UCMA: variants seen among roughly 807,000 people sequenced by gnomAD.
UCMA encodes upper zone of growth plate and cartilage matrix associated.
In UCMA, 21 loss-of-function variants were observed where a neutral mutation model predicts 21.8. That is an observed-to-expected ratio of 0.97 (90% CI 0.68 to 1.39). The LOEUF is 1.39. Among genes scored for constraint, UCMA ranks in the 40% most tolerant of loss-of-function variants. The pLI is 0.00. For synonymous variants in UCMA, 76 were observed against 67.9 expected (o/e 1.12, Z -0.58); for missense variants, 193 against 178.9 (o/e 1.08, Z -0.45).
intron 3 of UCMA, among the ~76,000 whole-genome samples, chr10:13,233,120 T>C (rs534609882): frequency 1.5e-3 from 236 of 152,270 alleles, no homozygotes; most frequent in African/African-American, 5.2e-3. Flanking sequence ...GTTGCTCTTA[T>C]ACAGAAGGTG....
intron 4 of UCMA, among the ~76,000 whole-genome samples, chr10:13,223,979 G>A (rs1053187891): frequency 6.6e-6 from 1 of 152,164 alleles, no homozygotes; most frequent in South Asian, 2.1e-4. Flanking sequence ...TTTGGAAATA[G>A]CAGTGACTGT....
At chr10:13,224,081 T>TG (rs1158804513) in intron 4 of UCMA, among the ~76,000 whole-genome samples, 1 of 152,138 alleles carries the variant, frequency 6.6e-6, no homozygotes, top group Non-Finnish European at 1.5e-5. Context: ...CCCAGCACTT[T>TG]GGGGGGCCAA....
At chr10:13,228,554 A>G (rs1198656365) in intron 4 of UCMA, among the ~76,000 whole-genome samples, 2 of 152,174 alleles carry the variant, frequency 1.3e-5, no homozygotes, top group East Asian at 3.8e-4. Context: ...TTCTGAGTTC[A>G]GCTTTCCTGG....
At chr10:13,230,058 A>C (rs924582816) in intron 3 of UCMA, among the ~76,000 whole-genome samples, 2 of 152,220 alleles carry the variant, frequency 1.3e-5, no homozygotes, top group Non-Finnish European at 2.9e-5. Context: ...GAATAATACA[A>C]CTTAATCTCA....
At chr10:13,223,164 T>C (rs1429592251) in intron 4 of UCMA, among the ~76,000 whole-genome samples, 3 of 149,098 alleles carry the variant, frequency 2.0e-5, no homozygotes, top group Non-Finnish European at 4.4e-5. Context: ...AGGTGGAGGA[T>C]GCAGTGAGCT....
chr10:13,227,733 G>A (rs60296017), intron 4 of UCMA, among the ~76,000 whole-genome samples: 171 of 53,068 alleles, frequency 3.2e-3, no homozygotes, highest in Middle Eastern at 0.013. Context: ...AAAAAAAAAA[G>A]GAAAGGAAAT....
rs1834869319 is a variant in UCMA at position 13,229,497 on chromosome 10, C to T, written c.319+114G>A. ...TTCCAGCCTGGGCAACAGAGCAAGA[C>T]TTCGTCTCAAAAAAAGAAAAAAAAA... On this transcript the variant is annotated intron_variant, in intron 4 of 4. Transcript: ENST00000378681. 4 of 908,840 alleles carry T rather than the reference C, an allele frequency of 4.4e-6. No individual in the cohort carries two copies. The African/African-American group carries it at 6.8e-5, about 16-fold the overall frequency. 56.3% of individuals were successfully genotyped at this position (908,840 alleles called of 1,614,324 possible). A position where few individuals can be genotyped will look rare whatever the true frequency, so the allele number is the denominator to read the frequency against.
intron 4 of UCMA, among the ~76,000 whole-genome samples, chr10:13,226,198 A>ATT (rs35217195): frequency 0.18 from 25,413 of 140,478 alleles, 2,471 homozygotes; most frequent in African/African-American, 0.26. Flanking sequence ...TTTGTTGTGG[A>ATT]TTTTTTTTTT....
intron 3 of UCMA, 90 bp from the exon 4 acceptor site, chr10:13,229,799 C>T: frequency 9.3e-7 from 1 of 1,072,968 alleles, no homozygotes; most frequent in African/African-American, 1.6e-5. Context: ...TCTGAGAAGT[C>T]ACCTGGTTGG....
intron 3 of UCMA, among the ~76,000 whole-genome samples, chr10:13,232,432 CT>C (rs1201327420): frequency 8.0e-5 from 12 of 150,540 alleles, no homozygotes; most frequent in Non-Finnish European, 1.3e-4. Context: ...AAAATCATGC[CT>C]GTTTCCCCTG....
Position 13,234,211 on chromosome 10 carries a change from C to A in UCMA, c.48G>T (p.Val16=), listed in dbSNP as rs768291782. ...AVLLSCFSAV[V]LLSMLREGTS... ...CCCTCCTGTACTCACTAGACAGGAG[C>A]ACCACGGCGGAGAAGCAAGACAGCA... is the stretch of plus-strand genomic sequence containing the variant. The change falls in exon 1 of 5, where the codon GTG becomes GTT. Residue 16 remains valine (V), a synonymous_variant. Transcript: ENST00000378681. 1 of 1,613,266 alleles carries A rather than the reference C, an allele frequency of 6.2e-7. No homozygotes were observed. Among genetic ancestry groups the A allele is most frequent in the Non-Finnish European group, 8.5e-7 (1 of 1,179,862 alleles).
chr10:13,233,756 C>A lies in UCMA; in HGVS notation c.103G>T (p.Ala35Ser). 1 of 1,614,040 alleles carries A rather than the reference C, an allele frequency of 6.2e-7. No homozygotes were observed. The highest frequency in any genetic ancestry group is 8.5e-7 in the Non-Finnish European group (1 of 1,180,028). The change falls in exon 2 of 5, where the codon GCG becomes TCG. Residue 35 changes from alanine to serine, a missense_variant. Coordinates refer to ENST00000378681, the MANE Select transcript of UCMA (RefSeq NM_145314.3). The stretch of plus-strand genomic sequence containing the variant: ...TCACCTTCACTCGCCTCTTCTCCCG[C>A]CATCTGCATGGTGCCCACAGATACA... ...TSVSVGTMQM[A>S]GEEASEDAKQ...
chr10:13,233,403 C>T (rs1461461767), intron 3 of UCMA, 135 bp downstream of exon 3: 1 of 697,708 alleles, frequency 1.4e-6, no homozygotes, highest in East Asian at 2.5e-5. Context: ...GAGCTGCAGT[C>T]CCTTTGATAC....
chr10:13,227,546 C>T (rs1429328164), intron 4 of UCMA, among the ~76,000 whole-genome samples: 8 of 151,892 alleles, frequency 5.3e-5, no homozygotes, highest in Admixed American at 6.6e-5. Context: ...AGTAAATCCC[C>T]ATCTCTACCC....
rs547624060 is a variant in UCMA at position 13,222,240 on chromosome 10, A to G, written c.320-40T>C. On this transcript the variant is annotated intron_variant, in intron 4 of 4. Coordinates refer to ENST00000378681, the MANE Select transcript of UCMA (RefSeq NM_145314.3). ...CAAAGCCACCTGTTAGGACAGGGGG[A>G]CTCTGACCTGCCACTGAGCCCAGCA... The G allele has an allele frequency of 5.1e-6, 8 of 1,566,124 alleles. No homozygotes were observed. In the South Asian group the frequency reaches 5.6e-5, roughly 11 times the overall value.
chr10:13,231,918 T>G (rs746527058), intron 3 of UCMA, among the ~76,000 whole-genome samples: 6 of 152,150 alleles, frequency 3.9e-5, no homozygotes, highest in South Asian at 2.1e-4. Context: ...CCTCCTGCTA[T>G]CCACAGGAGT....
intron 3 of UCMA, among the ~76,000 whole-genome samples, chr10:13,230,628 C>T (rs933764136): frequency 6.6e-6 from 1 of 152,150 alleles, no homozygotes; most frequent in Non-Finnish European, 1.5e-5. Context: ...CCCATCAACT[C>T]TGATGTGCAA....
intron 4 of UCMA, among the ~76,000 whole-genome samples, chr10:13,227,583 C>T (rs1003618072): frequency 1.3e-5 from 2 of 151,722 alleles, no homozygotes; most frequent in Admixed American, 6.6e-5. Context: ...CTGGGCATAG[C>T]GGTGCACACC....
At chr10:13,234,091 CAAT>C in intron 1 of UCMA, 107 bp downstream of exon 1, 1 of 1,015,168 alleles carries the variant, frequency 9.9e-7, no homozygotes, top group Middle Eastern at 2.1e-4. Flanking sequence ...CACATGTTAA[CAAT>C]AAGCATACTC....
Sources: allele counts gnomAD v4.1 joint callset (sites outside exome capture counted in the v4.1 genomes callset), GRCh38; gene constraint gnomAD v4.1.1; transcripts MANE v1.5; gene names NCBI Gene and HGNC (gene_info 2026-07-23, HGNC 2026-07-21).